PDXK: variants seen among roughly 807,000 people sequenced by gnomAD.
PDXK encodes pyridoxal kinase, also known as epididymis secretory sperm binding protein Li 1a.
In PDXK, 15 loss-of-function variants were observed where a neutral mutation model predicts 43.2. The observed-to-expected ratio is 0.35, with a 90% CI of 0.23 to 0.53. The LOEUF (loss-of-function observed/expected upper bound fraction) is 0.53, where lower values mean the gene tolerates loss of function less well. PDXK is among the 20% of genes least tolerant of loss of function. PDXK has a pLI of 0.92. For synonymous variants in PDXK, 172 were observed against 165.4 expected (o/e 1.04, Z -0.31); for missense variants, 343 against 417.0 (o/e 0.82, Z 1.54).
chr21:43,743,650 CTCTT>C, intron 3 of PDXK, 70 bp from the exon 4 acceptor site: 2 of 1,055,938 alleles, frequency 1.9e-6, no homozygotes, highest in South Asian at 1.3e-5. Context: ...GCTGGTGCTT[CTCTT>C]TCTTTGTGCC....
At chr21:43,730,570 C>T (rs1267662313) in intron 1 of PDXK, among the ~76,000 whole-genome samples, 1 of 152,178 alleles carries the variant, frequency 6.6e-6, no homozygotes, top group African/African-American at 2.4e-5. Context: ...ACACAATAGA[C>T]ACAAATAGCT....
At chr21:43,745,592 G>A (rs2083625370) in intron 4 of PDXK, 2 of 164,932 alleles carry the variant, frequency 1.2e-5, no homozygotes, top group African/African-American at 4.8e-5. Flanking sequence ...CTCCTGAATT[G>A]TACGCTTAAA....
chr21:43,751,608 C>T (rs904491421), intron 7 of PDXK, among the ~76,000 whole-genome samples: 4 of 152,222 alleles, frequency 2.6e-5, no homozygotes, highest in African/African-American at 9.6e-5. Flanking sequence ...GTTCTGGAGG[C>T]TGGGAAGTCC....
intron 1 of PDXK, among the ~76,000 whole-genome samples, chr21:43,727,313 A>C (rs1386929834): frequency 6.6e-6 from 1 of 152,336 alleles, no homozygotes; most frequent in East Asian, 1.9e-4. Context: ...GAGTTGTCAA[A>C]GATGGGCTGA....
chr21:43,725,903 A>G (rs553857963), intron 1 of PDXK, among the ~76,000 whole-genome samples: 8 of 152,090 alleles, frequency 5.3e-5, no homozygotes, highest in African/African-American at 1.9e-4. Context: ...ACTTCCTTAG[A>G]GGTGATGCTG....
Position 43,737,402 on chromosome 21 carries a change from G to A in PDXK, c.142+3279G>A. The A allele has an allele frequency of 5.2e-6, 6 of 1,160,008 alleles. No homozygotes were observed. Among genetic ancestry groups the A allele is most frequent in the Non-Finnish European group, 5.3e-6 (5 of 935,220 alleles). The allele number at this position is 1,160,008 out of a possible 1,614,324, so 71.9% of individuals were successfully genotyped here. A position where few individuals can be genotyped will look rare whatever the true frequency, so the allele number is the denominator to read the frequency against. Reference sequence around the variant, plus strand: ...TCCACACCGTGAGCTGGGCTTGGCAGAGCCTCCACCTTGTGGCCAGTATTC... The same window carrying A: ...TCCACACCGTGAGCTGGGCTTGGCAAAGCCTCCACCTTGTGGCCAGTATTC... On this transcript the variant is annotated intron_variant, in intron 2 of 10. Transcript: ENST00000291565. This position sits in a 1 kb window ranked among gnomAD's most constrained non-coding sequence, Gnocchi z 4.8.
At chr21:43,733,771 A>G (rs2083358647) in intron 1 of PDXK, 2 of 845,830 alleles carry the variant, frequency 2.4e-6, no homozygotes, top group Admixed American at 3.2e-5. Context: ...GATTTCTGGA[A>G]TGATGCGTGA....
At chr21:43,733,354 G>C (rs899909141) in intron 1 of PDXK, among the ~76,000 whole-genome samples, 2 of 151,634 alleles carry the variant, frequency 1.3e-5, no homozygotes, top group African/African-American at 4.8e-5. Flanking sequence ...GGACTCAGGG[G>C]TGGTTGGCTG....
intron 9 of PDXK, chr21:43,755,426 A>G: frequency 2.0e-6 from 1 of 502,026 alleles, no homozygotes; most frequent in Non-Finnish European, 3.6e-6. Context: ...GCCAAGTTCT[A>G]TGCAGGTCAC....
chr21:43,741,638 T>C, intron 2 of PDXK, 29 bp from the exon 3 acceptor site: 1 of 1,602,916 alleles, frequency 6.2e-7, no homozygotes, highest in Non-Finnish European at 8.5e-7. Flanking sequence ...CCCTTGTGTC[T>C]GAGCCCCCAT....
chr21:43,750,486 C>T lies in PDXK; in HGVS notation c.465-14C>T, dbSNP rs200890929. On this transcript the variant is annotated splice_polypyrimidine_tract_variant and intron_variant, in intron 6 of 10. Transcript: ENST00000291565. ...TCACCTGTCCCCACCCGCCTGTCCC[C>T]GCCTGTCTTCCAGGTTACTGAGTGG... is the stretch of plus-strand genomic sequence containing the variant. The T allele has an allele frequency of 3.1e-5, 50 of 1,610,394 alleles. No individual in the cohort carries two copies. The highest frequency in any genetic ancestry group is 1.7e-4 in the South Asian group (15 of 90,330).
At chr21:43,724,430 A>G (rs1601779553) in intron 1 of PDXK, among the ~76,000 whole-genome samples, 1 of 152,254 alleles carries the variant, frequency 6.6e-6, no homozygotes, top group East Asian at 1.9e-4. Flanking sequence ...TCAGCACTTG[A>G]GCAGCATGTG....
In PDXK at chr21:43,734,046, C is replaced by T; in HGVS notation, c.88-23C>T. On this transcript the variant is annotated intron_variant, in intron 1 of 10. Coordinates refer to ENST00000291565, the MANE Select transcript of PDXK (RefSeq NM_003681.5). This position sits in a 1 kb window ranked among gnomAD's most constrained non-coding sequence, Gnocchi z 5.0. ...CCCAGACCTGGCTCTCTTACGCCTA[C>T]CTGTTCCTTCTCTGTCTTGCAGGTT... The T allele has an allele frequency of 6.2e-7, 1 of 1,613,568 alleles. No individual in the cohort carries two copies. The highest frequency in any genetic ancestry group is 8.5e-7 in the Non-Finnish European group (1 of 1,179,434).
chr21:43,728,350 C>G (rs1253475822), intron 1 of PDXK, among the ~76,000 whole-genome samples: 2 of 152,152 alleles, frequency 1.3e-5, no homozygotes, highest in Non-Finnish European at 2.9e-5. Flanking sequence ...TTCTGGTTTC[C>G]TAAAGTGGTC....
At chr21:43,741,563 C>T (rs763012317) in intron 2 of PDXK, 104 bp from the exon 3 acceptor site, 14 of 1,539,390 alleles carry the variant, frequency 9.1e-6, no homozygotes, top group South Asian at 4.9e-5. Context: ...GGGGAGGAGC[C>T]GTCCACCAGG....
At chr21:43,740,278 C>T (rs1274015018) in intron 2 of PDXK, among the ~76,000 whole-genome samples, 2 of 152,146 alleles carry the variant, frequency 1.3e-5, no homozygotes, top group East Asian at 1.9e-4. Flanking sequence ...GCAGGAGGGC[C>T]CTCAGGGGCA....
Position 43,737,966 on chromosome 21 carries a change from A to T in PDXK, c.143-3701A>T, listed in dbSNP as rs1191562639. The T allele has an allele frequency of 9.1e-6, 9 of 985,376 alleles. No homozygotes were observed. The highest frequency in any genetic ancestry group is 1.1e-5 in the Non-Finnish European group (9 of 829,966). 61.0% of individuals were successfully genotyped at this position (985,376 alleles called of 1,614,324 possible). ...GGAGGCCACCAAGAGGTGCAAGACC[A>T]TGCCCTCTGTTTCGATAGGAAGCTG... On this transcript the variant is annotated intron_variant, in intron 2 of 10. Transcript: ENST00000291565. The surrounding 1 kb of genome is among the most constrained non-coding windows in gnomAD (Gnocchi z 4.8).
Position 43,732,361 on chromosome 21 carries a change from C to G in PDXK, c.88-1708C>G. On this transcript the variant is annotated intron_variant, in intron 1 of 10. Transcript: ENST00000291565. The surrounding 1 kb of genome is among the most constrained non-coding windows in gnomAD (Gnocchi z 4.1). ...TGTCGTCTTCTGAGTCTGGCTTTGTCTGGCACATGAAGTTGGATGGGTAGA... is the reference window on the plus strand; with the variant it reads ...TGTCGTCTTCTGAGTCTGGCTTTGTGTGGCACATGAAGTTGGATGGGTAGA... 1 of 1,610,604 alleles carries G rather than the reference C, an allele frequency of 6.2e-7. No homozygotes were observed. Among genetic ancestry groups the G allele is most frequent in the South Asian group, 1.1e-5 (1 of 90,972 alleles).
rs1185892334 is a variant in PDXK, at chr21:43,760,596, C to CCCCGGTAGGATGGACGTGAGCCATCCTT, written c.*4535_*4562dup. 1 of 152,268 alleles carries CCCCGGTAGGATGGACGTGAGCCATCCTT rather than the reference C, an allele frequency of 6.6e-6. No homozygotes were observed. Among genetic ancestry groups the CCCCGGTAGGATGGACGTGAGCCATCCTT allele is most frequent in the Non-Finnish European group, 1.5e-5 (1 of 68,046 alleles). The allele number at this position is 152,268 out of a possible 1,614,324, so 9.4% of individuals were successfully genotyped here. On this transcript the variant is annotated 3_prime_UTR_variant, in exon 11 of 11. Coordinates refer to ENST00000291565, the MANE Select transcript of PDXK (RefSeq NM_003681.5). ...AGGGCCAGGTCCCTGCGTCCATCCC[C>CCCCGGTAGGATGGACGTGAGCCATCCTT]CCCGGTAGGATGGACGTGAGCCATC...
Sources: gnomAD v4.1 joint callset for allele counts (sites outside exome capture counted in the v4.1 genomes callset) on GRCh38, gnomAD v4.1.1 for gene constraint, Gnocchi (gnomAD v3.1) non-coding constraint, MANE v1.5 for transcripts, NCBI Gene and HGNC (gene_info 2026-07-23, HGNC 2026-07-21) for gene names.